DPYD: variants seen among roughly 807,000 people sequenced by gnomAD.
DPYD encodes dihydropyrimidine dehydrogenase.
DPYD carries 109 observed loss-of-function variants against 116.2 expected under a neutral mutation model. The ratio of observed to expected loss-of-function variants is 0.94; its 90% CI spans 0.80 to 1.10. The LOEUF (loss-of-function observed/expected upper bound fraction) is 1.10, where lower values mean the gene tolerates loss of function less well. DPYD is among the 50% of genes least tolerant of loss of function. The probability of loss-of-function intolerance (pLI) is 0.00; values close to 1 mark genes in which losing one functional copy is unlikely to be tolerated. For missense variants in DPYD, 1,302 were observed against 1,254.5 expected (o/e 1.04, Z -0.57); for synonymous variants, 440 against 432.0 (o/e 1.02, Z -0.23).
At chr1:97,232,125 T>C (rs1219523694) in intron 19 of DPYD, among the ~76,000 whole-genome samples, 2 of 152,212 alleles carry the variant, frequency 1.3e-5, no homozygotes, top group Non-Finnish European at 2.9e-5. Flanking sequence ...ATTCTCTTAG[T>C]TTTTCTTCAG....
At chr1:97,636,931 T>G (rs997049152) in intron 8 of DPYD, among the ~76,000 whole-genome samples, 2 of 152,096 alleles carry the variant, frequency 1.3e-5, no homozygotes, top group Non-Finnish European at 2.9e-5. Flanking sequence ...TGTTGCAAAA[T>G]GCCAGGGACC....
chr1:97,263,039 A>T (rs75433128), intron 18 of DPYD, among the ~76,000 whole-genome samples: 2,615 of 152,168 alleles, frequency 0.017, 89 homozygotes, highest in East Asian at 0.12. Flanking sequence ...TAATTCAACA[A>T]GCTTGATCTT....
intron 14 of DPYD, among the ~76,000 whole-genome samples, chr1:97,392,885 C>A (rs1672791782): frequency 6.6e-6 from 1 of 152,016 alleles, no homozygotes; most frequent in Non-Finnish European, 1.5e-5. Context: ...GGCTTGCAAT[C>A]AATTTCTTCC....
At chr1:97,800,035 T>C (rs1185562397) in intron 3 of DPYD, among the ~76,000 whole-genome samples, 5 of 152,042 alleles carry the variant, frequency 3.3e-5, no homozygotes, top group East Asian at 1.9e-4. Flanking sequence ...AACTAGACTA[T>C]AGAAACATTC....
At chr1:97,527,794 G>GAAA (rs35111926) in intron 12 of DPYD, among the ~76,000 whole-genome samples, 2,165 of 112,542 alleles carry the variant, frequency 0.019, 45 homozygotes, top group Middle Eastern at 0.059. Context: ...ATGAAATTTG[G>GAAA]AAAAAAAAAA....
chr1:97,798,257 T>G (rs1223399394), intron 3 of DPYD, among the ~76,000 whole-genome samples: 1 of 152,072 alleles, frequency 6.6e-6, no homozygotes, highest in East Asian at 1.9e-4. Context: ...TATGTCTGGA[T>G]AGTCTCTCTG....
rs577684564 is a variant in DPYD at position 97,656,379 on chromosome 1, TCTAG to T, written c.850+22712_850+22715del. ...CAAGATGAATGAGGGAATCAAGGGG[TCTAG>T]CTACTTTTTTTAATACACTCTTCAT... On this transcript the variant is annotated intron_variant, in intron 8 of 22. Coordinates refer to ENST00000370192, the MANE Select transcript of DPYD (RefSeq NM_000110.4). Among the ~76,000 whole-genome samples the T allele has an allele frequency of 2.1e-4, 32 of 152,124 alleles. 1 individual carries two copies. Among genetic ancestry groups the T allele is most frequent in the Middle Eastern group, 3.4e-3 (1 of 294 alleles).
intron 18 of DPYD, among the ~76,000 whole-genome samples, chr1:97,238,334 AT>A (rs1414450838): frequency 6.6e-6 from 1 of 152,112 alleles, no homozygotes; most frequent in Non-Finnish European, 1.5e-5. Context: ...ACCCAGTTTG[AT>A]TTTTTATAAC....
At chr1:97,624,262 AC>A (rs1656795860) in intron 8 of DPYD, among the ~76,000 whole-genome samples, 1 of 152,172 alleles carries the variant, frequency 6.6e-6, no homozygotes, top group African/African-American at 2.4e-5. Flanking sequence ...TACTTAAGAA[AC>A]TAAACTCAAC....
At chr1:97,397,785 C>T (rs1008079810) in intron 14 of DPYD, among the ~76,000 whole-genome samples, 2 of 151,936 alleles carry the variant, frequency 1.3e-5, no homozygotes, top group African/African-American at 2.4e-5. Flanking sequence ...TGGTTACTTC[C>T]CAGTTTGGGC....
intron 19 of DPYD, among the ~76,000 whole-genome samples, chr1:97,204,095 A>T (rs923805283): frequency 7.2e-5 from 11 of 152,140 alleles, no homozygotes; most frequent in Non-Finnish European, 1.2e-4. Context: ...GGAAAAACAA[A>T]ACAACCTTAC....
At chr1:97,353,323 C>A (rs1670245659) in intron 16 of DPYD, among the ~76,000 whole-genome samples, 1 of 152,030 alleles carries the variant, frequency 6.6e-6, no homozygotes, top group Non-Finnish European at 1.5e-5. Context: ...GGCAGGGCTG[C>A]GGAATGGCAG....
intron 14 of DPYD, among the ~76,000 whole-genome samples, chr1:97,391,155 T>C (rs1409951171): frequency 6.6e-6 from 1 of 151,078 alleles, no homozygotes; most frequent in East Asian, 2.0e-4. Flanking sequence ...TTCACATGCA[T>C]TCACTAGACA....
chr1:97,221,116 C>T (rs755202074), intron 19 of DPYD, among the ~76,000 whole-genome samples: 78 of 152,088 alleles, frequency 5.1e-4, no homozygotes, highest in Admixed American at 2.6e-4. Flanking sequence ...TTAATAAAGA[C>T]AAAAACAAAT....
intron 12 of DPYD, among the ~76,000 whole-genome samples, chr1:97,529,827 TTC>T (rs1459654142): frequency 2.0e-5 from 3 of 151,212 alleles, no homozygotes; most frequent in Non-Finnish European, 3.0e-5. Context: ...CCTTTTCTTT[TTC>T]TCTCTCTTCT....
intron 13 of DPYD, among the ~76,000 whole-genome samples, chr1:97,458,572 A>G (rs1676834130): frequency 6.6e-6 from 1 of 152,182 alleles, no homozygotes. Context: ...TGAGTTACAA[A>G]CATCTGAGAC....
At chr1:97,081,722 T>TTTTCTTTTC (rs1557851446) in intron 22 of DPYD, among the ~76,000 whole-genome samples, 13 of 94,476 alleles carry the variant, frequency 1.4e-4, no homozygotes, top group African/African-American at 3.6e-4. Flanking sequence ...CTTTTCTTTT[T>TTTTCTTTTC]TTTTTTTTTT....
At chr1:97,512,172 A>C (rs552230224) in intron 13 of DPYD, among the ~76,000 whole-genome samples, 1 of 151,898 alleles carries the variant, frequency 6.6e-6, no homozygotes, top group Non-Finnish European at 1.5e-5. Context: ...CCTATACATT[A>C]AGCTTTGTGC....
At chr1:97,083,692 T>A (rs1649316879) in intron 21 of DPYD, among the ~76,000 whole-genome samples, 2 of 152,270 alleles carry the variant, frequency 1.3e-5, no homozygotes, top group East Asian at 3.9e-4. Context: ...GATCTACATT[T>A]ATCAGCTGCA....
Sources: gnomAD v4.1 joint callset for allele counts (sites outside exome capture counted in the v4.1 genomes callset) on GRCh38, gnomAD v4.1.1 for gene constraint, MANE v1.5 for transcripts, NCBI Gene and HGNC (gene_info 2026-07-23, HGNC 2026-07-21) for gene names.